Variants in PHF20 observed in about 807,000 individuals in gnomAD.
PHF20 encodes PHD finger protein 20.
Under a neutral mutation model 113.5 loss-of-function variants are expected in PHF20, and 23 were observed. The observed-to-expected ratio is 0.20, with a 90% CI of 0.15 to 0.29. The LOEUF is 0.29. Ranked by LOEUF, PHF20 falls within the 10% of genes least tolerant of loss-of-function variation. PHF20 has a pLI of 1.00. For missense variants in PHF20, 943 were observed against 1,219.6 expected, an observed-to-expected ratio of 0.77 and a Z score of 3.38; for synonymous variants, 434 against 457.3, an observed-to-expected ratio of 0.95 and a Z score of 0.65.
intron 17 of PHF20, among the ~76,000 whole-genome samples, chr20:35,946,680 TATTTA>T (rs1442250435): frequency 1.4e-5 from 2 of 142,918 alleles, no homozygotes; most frequent in Non-Finnish European, 3.0e-5. Flanking sequence ...TATTTTATTT[TATTTA>T]TTTTATTTTA....
In PHF20 at chr20:35,939,077, G is replaced by C; in HGVS notation, c.2681G>C (p.Gly894Ala). ...CCTCTAGACCAAGACAGGAGCAAGGGGGACAGTGACCCCAAACCCGGCTCC... is the reference window on the plus strand; with the variant it reads ...CCTCTAGACCAAGACAGGAGCAAGGCGGACAGTGACCCCAAACCCGGCTCC... ...GWPLDQDRSK[G>A]DSDPKPGSPK... The change falls in exon 16 of 18, where the codon GGG (glycine) becomes GCG (alanine). Residue 894 changes from glycine (G) to alanine (A), a missense_variant. Gly to Ala is a moderately conservative substitution (Grantham distance 60). Coordinates refer to ENST00000374012, the MANE Select transcript of PHF20 (RefSeq NM_016436.5). The C allele has an allele frequency of 6.2e-7, 1 of 1,611,890 alleles. No individual in the cohort carries two copies. The highest frequency in any genetic ancestry group is 1.3e-5 in the African/African-American group (1 of 74,982).
rs749018158 is a variant in PHF20 at position 35,899,768 on chromosome 20, C to A, written c.1561+120C>A. The A allele has an allele frequency of 7.3e-4, 756 of 1,040,202 alleles. 7 individuals carry two copies. Among genetic ancestry groups the A allele is most frequent in the Admixed American group, 2.3e-4 (9 of 39,068 alleles). The allele number at this position is 1,040,202 out of a possible 1,614,324, so 64.4% of individuals were successfully genotyped here. On this transcript the variant is annotated intron_variant, in intron 10 of 17. Coordinates refer to ENST00000374012, the MANE Select transcript of PHF20 (RefSeq NM_016436.5). ...TCTGTTCCAGTTGAATCCCACAGGACTGAACATATTAAGTGATCCTCTGGG... is the reference window on the plus strand; with the variant it reads ...TCTGTTCCAGTTGAATCCCACAGGAATGAACATATTAAGTGATCCTCTGGG...
intron 10 of PHF20, among the ~76,000 whole-genome samples, chr20:35,901,918 G>A (rs779860541): frequency 6.7e-6 from 1 of 149,926 alleles, no homozygotes; most frequent in Non-Finnish European, 1.5e-5. Flanking sequence ...GTAAACCTGA[G>A]TTCTTGTGAT....
intron 15 of PHF20, among the ~76,000 whole-genome samples, chr20:35,935,032 T>A (rs1306251753): frequency 1.3e-5 from 2 of 149,928 alleles, no homozygotes; most frequent in African/African-American, 5.0e-5. Context: ...AAAAAAAAAT[T>A]TTTTTTTTTT....
chr20:35,864,206 C>G (rs1208258581), intron 6 of PHF20, among the ~76,000 whole-genome samples: 3 of 152,118 alleles, frequency 2.0e-5, no homozygotes, highest in African/African-American at 4.8e-5. Context: ...TGTGAATCCC[C>G]TAGCACGTTT....
intron 9 of PHF20, among the ~76,000 whole-genome samples, chr20:35,886,356 C>T (rs1228584247): frequency 6.6e-6 from 1 of 151,886 alleles, no homozygotes; most frequent in Non-Finnish European, 1.5e-5. Flanking sequence ...GAACTCTTGA[C>T]CTCAAGTGAT....
intron 17 of PHF20, among the ~76,000 whole-genome samples, chr20:35,941,300 C>CAG (rs2055975491): frequency 6.6e-6 from 1 of 152,170 alleles, no homozygotes; most frequent in Non-Finnish European, 1.5e-5. Flanking sequence ...GTTGAGTATG[C>CAG]AGAGAGAGGG....
intron 13 of PHF20, among the ~76,000 whole-genome samples, chr20:35,926,440 T>C (rs951387990): frequency 5.3e-5 from 8 of 151,726 alleles, no homozygotes; most frequent in African/African-American, 9.7e-5. Flanking sequence ...GGGGTTTCAC[T>C]GTGTTAGCCA....
At chr20:35,812,894 T>C (rs2042001644) in intron 2 of PHF20, among the ~76,000 whole-genome samples, 1 of 152,198 alleles carries the variant, frequency 6.6e-6, no homozygotes, top group African/African-American at 2.4e-5. Flanking sequence ...ACTCTGGAGA[T>C]GGAAAAATGG....
intron 4 of PHF20, among the ~76,000 whole-genome samples, chr20:35,850,490 T>TAC: frequency 6.7e-6 from 1 of 148,520 alleles, no homozygotes; most frequent in African/African-American, 2.5e-5. Flanking sequence ...TATATATATA[T>TAC]ATATATTTTT....
intron 9 of PHF20, among the ~76,000 whole-genome samples, chr20:35,889,009 C>CTTTTT (rs566960589): frequency 1.9e-4 from 19 of 99,210 alleles, no homozygotes; most frequent in East Asian, 3.2e-4. Context: ...CTCTTAGTTT[C>CTTTTT]TTTTTTTTTT....
intron 1 of PHF20, 52 bp downstream of exon 1, chr20:35,772,131 C>CCGCGCTG (rs2041067416): frequency 6.7e-6 from 1 of 149,558 alleles, no homozygotes; most frequent in African/African-American, 2.4e-5. Context: ...TGGGCCGGGC[C>CCGCGCTG]CGCGCTGCGC....
rs1216930263 is a variant in PHF20, at chr20:35,804,229, GT to G, written c.83+2646del. ...TGCCCACCTTGCCAAGCTACTGTAT[GT>G]TTTTTTTTTTTTTTTTTTTTTGAGA... On this transcript the variant is annotated intron_variant, in intron 2 of 17. Coordinates refer to ENST00000374012, the MANE Select transcript of PHF20 (RefSeq NM_016436.5). Among the ~76,000 whole-genome samples the G allele has an allele frequency of 5.6e-3, 562 of 99,568 alleles. 2 individuals carry two copies. The highest frequency in any genetic ancestry group is 0.018 in the African/African-American group (445 of 24,600). The allele number at this position is 99,568 out of a possible 152,430, so 65.3% of individuals were successfully genotyped here.
intron 1 of PHF20, among the ~76,000 whole-genome samples, chr20:35,779,072 G>A (rs765188398): frequency 4.6e-5 from 7 of 150,892 alleles, no homozygotes; most frequent in African/African-American, 1.2e-4. Flanking sequence ...GTCTCACTTC[G>A]TTGCCCAGGC....
intron 15 of PHF20, among the ~76,000 whole-genome samples, chr20:35,937,575 G>A (rs1301843024): frequency 6.6e-6 from 1 of 152,124 alleles, no homozygotes; most frequent in Admixed American, 6.5e-5. Context: ...GCAGGCTTCA[G>A]AGAGAATAGA....
chr20:35,927,777 C>T lies in PHF20; in HGVS notation c.2005-3C>T, dbSNP rs776924962. The T allele has an allele frequency of 1.9e-6, 3 of 1,608,518 alleles. No individual in the cohort carries two copies. The highest frequency in any genetic ancestry group is 2.2e-5 in the South Asian group (2 of 90,986). ...ATTTTTGTTGCTTCTTTAATTCTAA[C>T]AGTGTGAAGAGTGCCAGTGCTGGCA... On this transcript the variant is annotated splice_region_variant and splice_polypyrimidine_tract_variant and intron_variant, in intron 13 of 17. Transcript: ENST00000374012.
At chr20:35,826,726 A>C (rs956843484) in intron 2 of PHF20, among the ~76,000 whole-genome samples, 1 of 152,130 alleles carries the variant, frequency 6.6e-6, no homozygotes, top group African/African-American at 2.4e-5. Flanking sequence ...GAAAATTGGC[A>C]GTGTTCATTC....
At chr20:35,837,509 C>T (rs956210538) in intron 2 of PHF20, among the ~76,000 whole-genome samples, 1 of 152,194 alleles carries the variant, frequency 6.6e-6, no homozygotes, top group African/African-American at 2.4e-5. Flanking sequence ...AAATTCCATT[C>T]ACATCTCTTT....
intron 9 of PHF20, among the ~76,000 whole-genome samples, chr20:35,885,826 G>A (rs13433166): frequency 1.2e-3 from 187 of 152,138 alleles, no homozygotes; most frequent in African/African-American, 4.4e-3. Context: ...GAAACATTGA[G>A]ACTATGTAAA....
Sources: gnomAD v4.1 joint callset for allele counts (sites outside exome capture counted in the v4.1 genomes callset) on GRCh38, gnomAD v4.1.1 for gene constraint, MANE v1.5 for transcripts, NCBI Gene and HGNC (gene_info 2026-07-23, HGNC 2026-07-21) for gene names.